Variants in MBNL1 observed in about 807,000 individuals in gnomAD.
MBNL1 encodes the protein muscleblind-like protein 1.
In MBNL1, 8 loss-of-function variants were observed where a neutral mutation model predicts 42.2. The ratio of observed to expected loss-of-function variants is 0.19; its 90% CI spans 0.11 to 0.34. The LOEUF (loss-of-function observed/expected upper bound fraction) is 0.34. Ranked by LOEUF, MBNL1 falls within the 10% of genes least tolerant of loss-of-function variation. The pLI, the probability that MBNL1 is intolerant of heterozygous loss-of-function variation, is 1.00. For synonymous variants in MBNL1, 169 were observed against 173.9 expected (o/e 0.97, Z 0.22); for missense variants, 309 against 495.3 (o/e 0.62, Z 3.57).
At chr3:152,391,054 T>G (rs371624139) in intron 2 of MBNL1, among the ~76,000 whole-genome samples, 15 of 152,370 alleles carry the variant, frequency 9.8e-5, no homozygotes, top group African/African-American at 3.1e-4. Flanking sequence ...AATCCTCTTA[T>G]ATAACCTTAT....
chr3:152,420,850 G>T (rs1185334614), intron 3 of MBNL1, among the ~76,000 whole-genome samples: 1 of 152,166 alleles, frequency 6.6e-6, no homozygotes, highest in East Asian at 1.9e-4. Context: ...TTAACCCAAT[G>T]CAAGGAAGTT....
intron 2 of MBNL1, among the ~76,000 whole-genome samples, chr3:152,387,433 T>C (rs1319986795): frequency 6.6e-6 from 1 of 152,122 alleles, no homozygotes; most frequent in African/African-American, 2.4e-5. Flanking sequence ...CAAATTTGTC[T>C]TCTAAAAATT....
chr3:152,334,334 G>C (rs773237673), intron 2 of MBNL1, among the ~76,000 whole-genome samples: 1 of 152,076 alleles, frequency 6.6e-6, no homozygotes, highest in Non-Finnish European at 1.5e-5. Context: ...AACTGTAGAT[G>C]GCTTTTTATA....
At chr3:152,451,621 TTTTG>T (rs1399295069) in intron 6 of MBNL1, among the ~76,000 whole-genome samples, 2 of 152,176 alleles carry the variant, frequency 1.3e-5, no homozygotes, top group African/African-American at 4.8e-5. Flanking sequence ...CTAGAAATAT[TTTTG>T]TTTAAGAGTG....
intron 2 of MBNL1, among the ~76,000 whole-genome samples, chr3:152,386,220 C>A (rs576226541): frequency 6.6e-6 from 1 of 151,832 alleles, no homozygotes; most frequent in Admixed American, 6.6e-5. Context: ...TGAAAAAATT[C>A]AAGAAAATAG....
At position 152,301,478 on chromosome 3, in the gene MBNL1, A is replaced by G. The variant is rs926758413; in HGVS notation, c.174+1111A>G. Among the ~76,000 whole-genome samples the G allele has an allele frequency of 4.6e-5, 7 of 152,220 alleles. No individual in the cohort carries two copies. In the South Asian group the frequency reaches 1.0e-3, roughly 22 times the overall value. On this transcript the variant is annotated intron_variant, in intron 2 of 9. Transcript: ENST00000324210. Reference sequence around the variant, plus strand: ...TAATAATCTTTTCTTTAATAACATCAGGGTGAGTTATGAGTTAATTGTTTC... The same window carrying G: ...TAATAATCTTTTCTTTAATAACATCGGGGTGAGTTATGAGTTAATTGTTTC...
chr3:152,360,596 C>T (rs2095860537), intron 2 of MBNL1, among the ~76,000 whole-genome samples: 1 of 152,030 alleles, frequency 6.6e-6, no homozygotes, highest in Non-Finnish European at 1.5e-5. Flanking sequence ...GGGTTCTTCT[C>T]CTATGCTTCT....
At chr3:152,374,663 T>C (rs1292627258) in intron 2 of MBNL1, among the ~76,000 whole-genome samples, 1 of 152,188 alleles carries the variant, frequency 6.6e-6, no homozygotes, top group African/African-American at 2.4e-5. Context: ...ATAATCTAGA[T>C]CACATTTGCC....
chr3:152,409,414 A>G (rs1459109738), intron 2 of MBNL1, among the ~76,000 whole-genome samples: 3 of 152,058 alleles, frequency 2.0e-5, no homozygotes, highest in Non-Finnish European at 2.9e-5. Context: ...TTGACTGCCA[A>G]TGTTACTATT....
At chr3:152,414,161 G>A (rs1198549447) in intron 2 of MBNL1, among the ~76,000 whole-genome samples, 1 of 152,234 alleles carries the variant, frequency 6.6e-6, no homozygotes, top group Non-Finnish European at 1.5e-5. Flanking sequence ...GAAGTGCTTA[G>A]GACAGAGTAC....
intron 4 of MBNL1, among the ~76,000 whole-genome samples, chr3:152,434,837 A>G (rs372098527): frequency 2.6e-5 from 4 of 152,164 alleles, no homozygotes; most frequent in Non-Finnish European, 5.9e-5. Flanking sequence ...GGCCACATGT[A>G]TATCTTTCTT....
chr3:152,424,479 G>A (rs1403893351), intron 3 of MBNL1, among the ~76,000 whole-genome samples: 10 of 151,458 alleles, frequency 6.6e-5, no homozygotes, highest in Non-Finnish European at 1.0e-4. Flanking sequence ...AATCAATATC[G>A]TGAAAATGGC....
At chr3:152,444,482 A>T (rs1432028344) in intron 4 of MBNL1, among the ~76,000 whole-genome samples, 1 of 152,216 alleles carries the variant, frequency 6.6e-6, no homozygotes, top group Non-Finnish European at 1.5e-5. Flanking sequence ...AAAAGCTATC[A>T]AATTTGATTT....
At chr3:152,352,625 C>T (rs183728692) in intron 2 of MBNL1, among the ~76,000 whole-genome samples, 20 of 151,382 alleles carry the variant, frequency 1.3e-4, no homozygotes, top group African/African-American at 3.9e-4. Flanking sequence ...TTTAAACTTA[C>T]GACTCATCCT....
At position 152,459,289 on chromosome 3, in the gene MBNL1, G is replaced by C; in HGVS notation, c.1111G>C (p.Glu371Gln). ...TTGCTAGATACCCATAATATCTGCC[G>C]AACATCTGACTAGCCACAAGTATGT... ...TANQIPIISA[E>Q]HLTSHKYVTQ... The change falls in exon 9 of 10, where the codon GAA (glutamate) becomes CAA (glutamine). Residue 371 changes from glutamate (E) to glutamine (Q), a missense_variant. Physicochemically the swap from Glu to Gln is conservative, Grantham distance 29. Coordinates refer to ENST00000324210, the MANE Select transcript of MBNL1 (RefSeq NM_021038.5). 6.3e-7 allele frequency: 1 copy of C among 1,582,124 alleles called. No individual in the cohort carries two copies. Among genetic ancestry groups the C allele is most frequent in the Non-Finnish European group, 8.6e-7 (1 of 1,163,892 alleles).
At chr3:152,276,136 G>A (rs555204737) in intron 1 of MBNL1, among the ~76,000 whole-genome samples, 1 of 152,052 alleles carries the variant, frequency 6.6e-6, no homozygotes, top group African/African-American at 2.4e-5. Flanking sequence ...GAGATATGAG[G>A]CTTGTCATTT....
rs116671535 is a variant in MBNL1 at position 152,351,842 on chromosome 3, A to C, written c.174+51475A>C. 4.5e-3 allele frequency among the ~76,000 whole-genome samples: 693 copies of C among 152,338 alleles called. 6 individuals are homozygous for C. The highest frequency in any genetic ancestry group is 0.016 in the African/African-American group (667 of 41,588). On this transcript the variant is annotated intron_variant, in intron 2 of 9. Transcript: ENST00000324210. Reference sequence around the variant, plus strand: ...TGCAAACAGGGTCTAGCACATGATAAAGCCTTATTAAATGTTAGCTACTAT... The same window carrying C: ...TGCAAACAGGGTCTAGCACATGATACAGCCTTATTAAATGTTAGCTACTAT...
chr3:152,280,293 C>T (rs2047663118), intron 1 of MBNL1, among the ~76,000 whole-genome samples: 2 of 152,016 alleles, frequency 1.3e-5, no homozygotes, highest in South Asian at 4.1e-4. Flanking sequence ...GTGGAATTTG[C>T]CTAAAACCAT....
chr3:152,432,632 T>G, intron 3 of MBNL1, 85 bp from the exon 4 acceptor site: 1 of 1,181,398 alleles, frequency 8.5e-7, no homozygotes, highest in Non-Finnish European at 1.3e-6. Flanking sequence ...AATGGATAGA[T>G]GGATGGAGGA....
Sources: allele counts gnomAD v4.1 joint callset (sites outside exome capture counted in the v4.1 genomes callset), GRCh38; gene constraint gnomAD v4.1.1; transcripts MANE v1.5; gene names NCBI Gene and HGNC (gene_info 2026-07-23, HGNC 2026-07-21).